Variants in PHLPP2 observed in about 807,000 individuals in gnomAD.
The protein encoded by PHLPP2 is PH domain and leucine rich repeat protein phosphatase 2, also known as PH domain leucine-rich repeat-containing protein phosphatase 2.
Under a neutral mutation model 124.9 loss-of-function variants are expected in PHLPP2, and 66 were observed. The observed-to-expected ratio is 0.53, with a 90% CI of 0.43 to 0.65. PHLPP2 has a LOEUF of 0.65. Ranked by LOEUF, PHLPP2 falls within the 30% of genes least tolerant of loss-of-function variation. The probability of loss-of-function intolerance (pLI) is 0.00; values close to 1 mark genes in which losing one functional copy is unlikely to be tolerated. For missense variants in PHLPP2, 1,685 were observed against 1,600.4 expected, an observed-to-expected ratio of 1.05 and a Z score of -0.90; for synonymous variants, 681 against 624.7, an observed-to-expected ratio of 1.09 and a Z score of -1.34.
chr16:71,714,616 AGAGGAAGAGGAGGAG>A lies in PHLPP2; in HGVS notation c.165_179del (p.Ser56_Ser60del). On this transcript the variant is annotated inframe_deletion, in exon 2 of 19. Coordinates refer to ENST00000568954, the MANE Select transcript of PHLPP2 (RefSeq NM_015020.3). ...CAGTGCAAAGGACGAGATGTAAGTC[AGAGGAAGAGGAGGAG>A]GAGGAAGAGGAAGAGGAGGTGGTGG... 1 of 1,614,114 alleles carries A rather than the reference AGAGGAAGAGGAGGAG, an allele frequency of 6.2e-7. No homozygotes were observed. Among genetic ancestry groups the A allele is most frequent in the Non-Finnish European group, 8.5e-7 (1 of 1,179,956 alleles).
chr16:71,663,298 A>C (rs1336792428), intron 13 of PHLPP2, among the ~76,000 whole-genome samples: 1 of 152,156 alleles, frequency 6.6e-6, no homozygotes, highest in Admixed American at 6.5e-5. Context: ...GTTTTAGTAG[A>C]GATGGGGTTT....
Position 71,669,194 on chromosome 16 carries a change from A to G in PHLPP2, c.1628+81T>C. ...CAACACACTGAACAAATAAAAGGCA[A>G]CCCAAATCTAGAAAAAAATTTAAAT... On this transcript the variant is annotated intron_variant, in intron 11 of 18. Coordinates refer to ENST00000568954, the MANE Select transcript of PHLPP2 (RefSeq NM_015020.3). 15 of 928,314 alleles carry G rather than the reference A, an allele frequency of 1.6e-5. No individual in the cohort carries two copies. The South Asian group carries it at 2.2e-4, about 13-fold the overall frequency. 57.5% of individuals were successfully genotyped at this position (928,314 alleles called of 1,614,324 possible).
Position 71,661,471 on chromosome 16 carries a change from A to T in PHLPP2, c.1985+2428T>A, listed in dbSNP as rs183272050. 3.9e-5 allele frequency among the ~76,000 whole-genome samples: 6 copies of T among 152,280 alleles called. No individual in the cohort carries two copies. In the East Asian group the frequency reaches 9.6e-4, roughly 24 times the overall value. On this transcript the variant is annotated intron_variant, in intron 13 of 18. Transcript: ENST00000568954. Reference sequence around the variant, plus strand: ...TGACCCCTCCAACAATAAAAGTGTCATCAAATTAGGTTTTACAGCATTATG... The same window carrying T: ...TGACCCCTCCAACAATAAAAGTGTCTTCAAATTAGGTTTTACAGCATTATG...
At chr16:71,699,491 C>G (rs903200698) in intron 3 of PHLPP2, among the ~76,000 whole-genome samples, 32 of 152,290 alleles carry the variant, frequency 2.1e-4, no homozygotes, top group African/African-American at 7.0e-4. Context: ...GGAGAGTGAG[C>G]TGCCCTTCCC....
chr16:71,696,225 G>A (rs893444807), intron 3 of PHLPP2, among the ~76,000 whole-genome samples: 10 of 152,050 alleles, frequency 6.6e-5, no homozygotes, highest in East Asian at 3.9e-4. Flanking sequence ...TTTTGCAATC[G>A]GGGAAAAGAT....
intron 3 of PHLPP2, among the ~76,000 whole-genome samples, chr16:71,692,726 C>T (rs1878318727): frequency 1.3e-5 from 2 of 152,156 alleles, no homozygotes; most frequent in African/African-American, 4.8e-5. Flanking sequence ...AACCTACGCA[C>T]AACTTCCTGT....
chr16:71,692,275 T>C (rs1251282022), intron 3 of PHLPP2, among the ~76,000 whole-genome samples: 4 of 152,130 alleles, frequency 2.6e-5, no homozygotes, highest in African/African-American at 9.7e-5. Context: ...TTCACTGTGT[T>C]AGCCAGGATG....
chr16:71,717,878 C>G (rs2045373579), intron 1 of PHLPP2, among the ~76,000 whole-genome samples: 1 of 152,108 alleles, frequency 6.6e-6, no homozygotes, highest in Non-Finnish European at 1.5e-5. Context: ...TTAGAAAAGT[C>G]AAGGAAGACT....
chr16:71,676,545 G>C lies in PHLPP2; in HGVS notation c.1373C>G (p.Ser458Cys). The C allele has an allele frequency of 6.2e-7, 1 of 1,614,042 alleles. No individual in the cohort carries two copies. Among genetic ancestry groups the C allele is most frequent in the Non-Finnish European group, 8.5e-7 (1 of 1,179,852 alleles). The change falls in exon 9 of 19, where the codon TCC becomes TGC. Residue 458 changes from serine (S) to cysteine (C), a missense_variant. By Grantham distance (112) the Ser-to-Cys change is moderately radical. Coordinates refer to ENST00000568954, the MANE Select transcript of PHLPP2 (RefSeq NM_015020.3). ...DNRLTDLDLS[S>C]LCSLEQLHCG... Reference sequence around the variant, plus strand: ...GTGCAGCTGTTCCAAGCTGCATAAGGAGCTAAGATCCAAGTCAGTCAGTCG... The same window carrying C: ...GTGCAGCTGTTCCAAGCTGCATAAGCAGCTAAGATCCAAGTCAGTCAGTCG...
rs908556514 is a variant in PHLPP2, at chr16:71,670,656, G to A, written c.1533-1286C>T. ...AAGGGAACTTTGTTATGACAGAAGA[G>A]ACAAAGTATGTGTACAGACTAAGAA... On this transcript the variant is annotated intron_variant, in intron 10 of 18. Transcript: ENST00000568954. Among the ~76,000 whole-genome samples the A allele has an allele frequency of 3.1e-4, 38 of 122,086 alleles. 1 individual carries two copies. Among genetic ancestry groups the A allele is most frequent in the African/African-American group, 1.1e-3 (37 of 34,130 alleles). 80.1% of individuals were successfully genotyped at this position (122,086 alleles called of 152,430 possible). A position where few individuals can be genotyped will look rare whatever the true frequency, so the allele number is the denominator to read the frequency against.
chr16:71,676,338 C>A (rs2044944968), intron 9 of PHLPP2, 109 bp downstream of exon 9: 3 of 791,784 alleles, frequency 3.8e-6, no homozygotes, highest in Non-Finnish European at 6.2e-6. Context: ...CAATGAGCCA[C>A]AAACCCCATC....
At position 71,690,724 on chromosome 16, in the gene PHLPP2, A is replaced by G. The variant is rs2045103020; in HGVS notation, c.419-15T>C. The G allele has an allele frequency of 1.3e-6, 2 of 1,555,918 alleles. No individual in the cohort carries two copies. The highest frequency in any genetic ancestry group is 8.8e-7 in the Non-Finnish European group (1 of 1,131,442). On this transcript the variant is annotated splice_polypyrimidine_tract_variant and intron_variant, in intron 3 of 18. Coordinates refer to ENST00000568954, the MANE Select transcript of PHLPP2 (RefSeq NM_015020.3). ...GCATGGTTTTTCTGAAAAGGAAATA[A>G]TACTTCAGAATCCACCATTAAAGTA...
chr16:71,710,302 ATCTC>A (rs1462610364), intron 2 of PHLPP2, among the ~76,000 whole-genome samples: 2 of 152,196 alleles, frequency 1.3e-5, no homozygotes, highest in Admixed American at 6.5e-5. Context: ...CCACCAGATG[ATCTC>A]TCTAAGGTTT....
chr16:71,653,179 T>C (rs1481784200), intron 17 of PHLPP2, among the ~76,000 whole-genome samples, 158 bp from the exon 18 acceptor site: 1 of 150,308 alleles, frequency 6.7e-6, no homozygotes, highest in Non-Finnish European at 1.5e-5. Flanking sequence ...TTGCTGTGGC[T>C]GATGGTGGTG....
rs397816254 is a variant in PHLPP2, at chr16:71,684,125, CT to C, written c.735+350del. On this transcript the variant is annotated intron_variant, in intron 5 of 18. Transcript: ENST00000568954. ...CAAAATACATTTCTCTTGAGGTACT[CT>C]TTTTTTTTTTTTTTTTTTGAGATAG... Among the ~76,000 whole-genome samples the C allele has an allele frequency of 6.4e-3, 764 of 118,824 alleles. 4 individuals are homozygous for C. Among genetic ancestry groups the C allele is most frequent in the African/African-American group, 0.019 (600 of 31,808 alleles). The allele number at this position is 118,824 out of a possible 152,430, so 78.0% of individuals were successfully genotyped here.
rs375268322 is a variant in PHLPP2, at chr16:71,676,613, C to G, written c.1305G>C (p.Leu435=). The change falls in exon 9 of 19, where the codon CTG becomes CTC. Residue 435 remains leucine, a synonymous_variant. Transcript: ENST00000568954. The part of the protein sequence containing the change: ...NHLKTMVIEN[L]EGNKHITHVD... Reference sequence around the variant, plus strand: ...CGTGGGTGATGTGTTTATTTCCCTCCAGATTTTCAATAACCATGGTTTTCA... The same window carrying G: ...CGTGGGTGATGTGTTTATTTCCCTCGAGATTTTCAATAACCATGGTTTTCA... 1 of 1,613,962 alleles carries G rather than the reference C, an allele frequency of 6.2e-7. No individual in the cohort carries two copies. Among genetic ancestry groups the G allele is most frequent in the African/African-American group, 1.3e-5 (1 of 75,052 alleles).
In PHLPP2 at chr16:71,684,602, C is replaced by G; in HGVS notation, c.610-1G>C. 1 of 1,606,762 alleles carries G rather than the reference C, an allele frequency of 6.2e-7. No homozygotes were observed. Among genetic ancestry groups the G allele is most frequent in the Non-Finnish European group, 8.5e-7 (1 of 1,175,252 alleles). On this transcript the variant is annotated splice_acceptor_variant, in intron 4 of 18. Transcript: ENST00000568954. LOFTEE classifies it high-confidence loss of function. Reference sequence around the variant, plus strand: ...ATTGCCGTCGCTTCACTTCTTCTATCTGAAGAAGAGGAGGGGAGAAAACCA... The same window carrying G: ...ATTGCCGTCGCTTCACTTCTTCTATGTGAAGAAGAGGAGGGGAGAAAACCA...
In PHLPP2 at chr16:71,672,301, T is replaced by G. The variant is rs538332256; in HGVS notation, c.1493A>C (p.Tyr498Ser). 1 of 1,613,724 alleles carries G rather than the reference T, an allele frequency of 6.2e-7. No homozygotes were observed. The highest frequency in any genetic ancestry group is 8.5e-7 in the Non-Finnish European group (1 of 1,179,664). The change falls in exon 10 of 19, where the codon TAT (tyrosine) becomes TCT (serine). Residue 498 changes from tyrosine (Y) to serine (S), a missense_variant. Physicochemically the swap from Tyr to Ser is moderately radical, Grantham distance 144. Coordinates refer to ENST00000568954, the MANE Select transcript of PHLPP2 (RefSeq NM_015020.3). The part of the protein sequence containing the change: ...SSNRLTAVNV[Y>S]PVPSLLTFLD... ...GAAAGTGAGCAGGCTGGGTACTGGA[T>G]AGACGTTCACTGCTGTCAGCCCTAA...
At chr16:71,661,210 G>A (rs1327013660) in intron 13 of PHLPP2, among the ~76,000 whole-genome samples, 2 of 151,634 alleles carry the variant, frequency 1.3e-5, no homozygotes, top group Non-Finnish European at 2.9e-5. Context: ...GGGATTACAG[G>A]CAGGCACACA....
Sources: gnomAD v4.1 joint callset for allele counts (sites outside exome capture counted in the v4.1 genomes callset) on GRCh38, gnomAD v4.1.1 for gene constraint, MANE v1.5 for transcripts, NCBI Gene and HGNC (gene_info 2026-07-23, HGNC 2026-07-21) for gene names.